Variants in SLC7A7 observed in about 807,000 individuals in gnomAD.
The protein encoded by SLC7A7 is solute carrier family 7 member 7.
SLC7A7 carries 39 observed loss-of-function variants against 47.9 expected under a neutral mutation model. That is an observed-to-expected ratio of 0.81 (90% CI 0.63 to 1.06). The LOEUF (loss-of-function observed/expected upper bound fraction) is 1.06. Among genes scored for constraint, SLC7A7 ranks in the 50% least tolerant of loss-of-function variants. The pLI is 0.00. For missense variants in SLC7A7, 588 were observed against 632.0 expected (o/e 0.93, Z 0.75); for synonymous variants, 234 against 242.8 (o/e 0.96, Z 0.34).
chr14:22,782,502 C>T (rs771416644), intron 2 of SLC7A7, among the ~76,000 whole-genome samples: 1 of 151,472 alleles, frequency 6.6e-6, no homozygotes, highest in African/African-American at 2.4e-5. Flanking sequence ...TGCTCTGTCA[C>T]CCAGGCTGAA....
chr14:22,805,984 T>C (rs533564561), intron 2 of SLC7A7, among the ~76,000 whole-genome samples: 23 of 150,876 alleles, frequency 1.5e-4, no homozygotes, highest in Admixed American at 1.3e-3. Flanking sequence ...CTACTAAAAA[T>C]ACAAAAATTA....
intron 2 of SLC7A7, among the ~76,000 whole-genome samples, chr14:22,796,743 G>T (rs979413937): frequency 1.3e-5 from 2 of 152,160 alleles, no homozygotes; most frequent in Admixed American, 1.3e-4. Context: ...GTCCACCTGT[G>T]AACAGTGGGC....
chr14:22,778,719 C>T, intron 4 of SLC7A7, 74 bp downstream of exon 4: 1 of 1,518,908 alleles, frequency 6.6e-7, no homozygotes, highest in Non-Finnish European at 9.0e-7. Context: ...TTGTGGTATG[C>T]TGTCTGGCAC....
rs534724772 is a variant in SLC7A7 at position 22,773,349 on chromosome 14, T to G, written c.*261A>C. ...AGAGGAGTAGGTAGGCACACCCAGG[T>G]GCTTCTAAAACAACCAAGCCCAAAC... On this transcript the variant is annotated 3_prime_UTR_variant, in exon 10 of 10. Coordinates refer to ENST00000674313, the MANE Select transcript of SLC7A7 (RefSeq NM_003982.4). The G allele has an allele frequency of 1.5e-5, 9 of 581,880 alleles. No homozygotes were observed. The highest frequency in any genetic ancestry group is 7.3e-5 in the African/African-American group (4 of 54,746). 36.0% of individuals were successfully genotyped at this position (581,880 alleles called of 1,614,324 possible). A position where few individuals can be genotyped will look rare whatever the true frequency, so the allele number is the denominator to read the frequency against.
At chr14:22,798,465 C>T (rs1267448712) in intron 2 of SLC7A7, among the ~76,000 whole-genome samples, 2 of 152,202 alleles carry the variant, frequency 1.3e-5, no homozygotes, top group Admixed American at 6.5e-5. Flanking sequence ...ATCCCCTACA[C>T]TGTTCAAGAA....
At chr14:22,791,831 C>CTT (rs35316014) in intron 2 of SLC7A7, among the ~76,000 whole-genome samples, 1,842 of 53,146 alleles carry the variant, frequency 0.035, 40 homozygotes, top group African/African-American at 0.06. Flanking sequence ...ATCTCTACAC[C>CTT]TTTTTTTTTT....
Position 22,800,612 on chromosome 14 carries a change from G to A in SLC7A7, c.499+12288C>T, listed in dbSNP as rs569946136. ...TGAGAAAGCTCAACACAGTCCATAC[G>A]GAAAGACCACATGGAAAGACTGACA... On this transcript the variant is annotated intron_variant, in intron 2 of 9. Transcript: ENST00000674313. Among the ~76,000 whole-genome samples the A allele has an allele frequency of 7.9e-5, 12 of 152,194 alleles. No homozygotes were observed. In the South Asian group the frequency reaches 8.3e-4, roughly 11 times the overall value.
chr14:22,817,219 C>T, upstream of SLC7A7: 1 of 220,414 alleles, frequency 4.5e-6, no homozygotes, highest in Non-Finnish European at 9.6e-6. Flanking sequence ...TCTTGACTCA[C>T]TGCAACCTCC....
Position 22,784,616 on chromosome 14 carries a change from CA to C in SLC7A7, c.500-4566del, listed in dbSNP as rs1043176688. Among the ~76,000 whole-genome samples, 214 of 136,244 alleles carry C rather than the reference CA, an allele frequency of 1.6e-3. 1 individual carries two copies. The highest frequency in any genetic ancestry group is 3.5e-3 in the African/African-American group (129 of 37,098). The allele number at this position is 136,244 out of a possible 152,430, so 89.4% of individuals were successfully genotyped here. A position where few individuals can be genotyped will look rare whatever the true frequency, so the allele number is the denominator to read the frequency against. On this transcript the variant is annotated intron_variant, in intron 2 of 9. Coordinates refer to ENST00000674313, the MANE Select transcript of SLC7A7 (RefSeq NM_003982.4). ...CTGGTGACAGAGCAAGACTCCATCT[CA>C]AAAAAAAAAAAGAGAAGTCACTCCT... is the stretch of plus-strand genomic sequence containing the variant.
chr14:22,812,871 C>A, intron 2 of SLC7A7, 29 bp downstream of exon 2: 1 of 1,608,856 alleles, frequency 6.2e-7, no homozygotes, highest in Non-Finnish European at 8.5e-7. Context: ...AGCCCTCCAC[C>A]CACCACCTCC....
At chr14:22,779,617 G>A (rs1258161754) in intron 3 of SLC7A7, among the ~76,000 whole-genome samples, 1 of 151,938 alleles carries the variant, frequency 6.6e-6, no homozygotes, top group East Asian at 1.9e-4. Context: ...ACCATGCCCG[G>A]CTAATTTTTG....
chr14:22,787,016 C>T (rs775459790), intron 2 of SLC7A7, among the ~76,000 whole-genome samples: 2 of 152,194 alleles, frequency 1.3e-5, no homozygotes, highest in African/African-American at 4.8e-5. Flanking sequence ...AGTTTTTATG[C>T]ATTATTCTTA....
In SLC7A7 at chr14:22,790,093, C is replaced by T. The variant is rs149547595; in HGVS notation, c.500-10042G>A. Among the ~76,000 whole-genome samples the T allele has an allele frequency of 7.9e-5, 12 of 152,086 alleles. No individual in the cohort carries two copies. The East Asian group carries it at 2.3e-3, about 29-fold the overall frequency. On this transcript the variant is annotated intron_variant, in intron 2 of 9. Coordinates refer to ENST00000674313, the MANE Select transcript of SLC7A7 (RefSeq NM_003982.4). ...CCTGTAATTCCAGCACTTTGGGAGG[C>T]CAGGGTGGGCTGATCCCTTGAGCTC...
At chr14:22,787,489 C>G (rs567678413) in intron 2 of SLC7A7, among the ~76,000 whole-genome samples, 1 of 151,950 alleles carries the variant, frequency 6.6e-6, no homozygotes, top group Non-Finnish European at 1.5e-5. Context: ...CAGTGGCTCA[C>G]GCCTGTAATC....
intron 2 of SLC7A7, among the ~76,000 whole-genome samples, chr14:22,787,502 A>G (rs570505225): frequency 2.0e-5 from 3 of 152,216 alleles, no homozygotes; most frequent in South Asian, 2.1e-4. Context: ...CTGTAATCCC[A>G]ACACTTTGGG....
At chr14:22,799,879 A>T (rs2139434780) in intron 2 of SLC7A7, among the ~76,000 whole-genome samples, 2 of 152,292 alleles carry the variant, frequency 1.3e-5, no homozygotes, top group Middle Eastern at 6.8e-3. Flanking sequence ...CAGGCACATC[A>T]AACTCAACAT....
chr14:22,773,683 A>G lies in SLC7A7; in HGVS notation c.1463T>C (p.Met488Thr), dbSNP rs751601259. The G allele has an allele frequency of 7.4e-6, 12 of 1,614,092 alleles. No homozygotes were observed. Among genetic ancestry groups the G allele is most frequent in the Middle Eastern group, 3.3e-4 (2 of 6,082 alleles). ...SATRYLQVLC[M>T]SVAAEMDLED... ...CAAATCCATTTCTGCAGCAACTGAC[A>G]TACACAGGACCTGGAGGTACCTTGT... The change falls in exon 10 of 10, where the codon ATG becomes ACG. Residue 488 changes from methionine to threonine, a missense_variant. Met to Thr is a moderately conservative substitution (Grantham distance 81). Transcript: ENST00000674313.
At chr14:22,817,020 A>G (rs4982681), upstream of SLC7A7, among the ~76,000 whole-genome samples, 76,266 of 151,882 alleles carry the variant, frequency 0.5, 19,235 homozygotes, top group South Asian at 0.61. Context: ...GGACTTAAGC[A>G]CATTATCTCA....
At chr14:22,795,076 CTTTTTTT>C (rs3076435) in intron 2 of SLC7A7, among the ~76,000 whole-genome samples, 4 of 97,594 alleles carry the variant, frequency 4.1e-5, no homozygotes, top group African/African-American at 1.2e-4. Context: ...TTCTTTCTTT[CTTTTTTT>C]TTTTTTTTTT....
Sources: gnomAD v4.1 joint callset for allele counts (sites outside exome capture counted in the v4.1 genomes callset) on GRCh38, gnomAD v4.1.1 for gene constraint, MANE v1.5 for transcripts, NCBI Gene and HGNC (gene_info 2026-07-23, HGNC 2026-07-21) for gene names.